SUMF1: variants seen among roughly 807,000 people sequenced by gnomAD.
The protein encoded by SUMF1 is sulfatase modifying factor 1.
In SUMF1, 48 loss-of-function variants were observed where a neutral mutation model predicts 47.6. That is an observed-to-expected ratio of 1.01 (90% CI 0.80 to 1.28). The LOEUF (loss-of-function observed/expected upper bound fraction) is 1.28, where lower values mean the gene tolerates loss of function less well. Among genes scored for constraint, SUMF1 ranks in the 50% most tolerant of loss-of-function variants. SUMF1 has a pLI of 0.00. For synonymous variants in SUMF1, 230 were observed against 192.1 expected (o/e 1.20, Z -1.63); for missense variants, 571 against 485.4 (o/e 1.18, Z -1.66).
At chr3:4,113,213 T>C (rs910790170) in intron 8 of SUMF1, among the ~76,000 whole-genome samples, 1 of 152,086 alleles carries the variant, frequency 6.6e-6, no homozygotes, top group Non-Finnish European at 1.5e-5. Flanking sequence ...CGTTTCAAGA[T>C]CTCTCTTCTA....
chr3:4,257,280 GA>G (rs1312433177), intron 8 of SUMF1, among the ~76,000 whole-genome samples: 22 of 136,634 alleles, frequency 1.6e-4, no homozygotes, highest in Admixed American at 7.5e-4. Context: ...GCAGGAGAAG[GA>G]AATAAAGGGT....
At chr3:4,182,374 T>C (rs1177774427) in intron 8 of SUMF1, among the ~76,000 whole-genome samples, 2 of 149,860 alleles carry the variant, frequency 1.3e-5, no homozygotes, top group Non-Finnish European at 1.5e-5. Context: ...TTCCAAGTTA[T>C]ATCTATTAAT....
intron 3 of SUMF1, among the ~76,000 whole-genome samples, chr3:4,428,317 T>C (rs1575210345): frequency 6.6e-6 from 1 of 152,274 alleles, no homozygotes; most frequent in East Asian, 1.9e-4. Context: ...TGATTATTTC[T>C]GGGTGGTGAG....
chr3:4,254,791 C>T, intron 8 of SUMF1, among the ~76,000 whole-genome samples: 2 of 149,468 alleles, frequency 1.3e-5, no homozygotes, highest in African/African-American at 4.9e-5. Flanking sequence ...TCGAGAAGAG[C>T]AACTCCAAGA....
intron 8 of SUMF1, among the ~76,000 whole-genome samples, chr3:4,259,863 G>A (rs1042372991): frequency 6.7e-6 from 1 of 149,216 alleles, no homozygotes; most frequent in Admixed American, 6.8e-5. Flanking sequence ...TTACTACTTA[G>A]AAACTATTAC....
chr3:4,249,815 G>C (rs1696752844), intron 8 of SUMF1, among the ~76,000 whole-genome samples: 1 of 152,142 alleles, frequency 6.6e-6, no homozygotes, highest in African/African-American at 2.4e-5. Context: ...CCTAAGTTGT[G>C]AATGCAAAGG....
chr3:4,343,144 A>AT (rs1390259317), intron 8 of SUMF1, among the ~76,000 whole-genome samples: 3 of 152,366 alleles, frequency 2.0e-5, no homozygotes, highest in African/African-American at 7.2e-5. Flanking sequence ...TCTGAGGACT[A>AT]TAACATGGAG....
intron 8 of SUMF1, among the ~76,000 whole-genome samples, chr3:4,085,231 T>C (rs1036710364): frequency 1.3e-5 from 2 of 152,102 alleles, no homozygotes; most frequent in Non-Finnish European, 2.9e-5. Context: ...AAAATATATG[T>C]GGCTGGGAAC....
At chr3:4,313,911 A>G in intron 8 of SUMF1, 2 of 1,374,858 alleles carry the variant, frequency 1.5e-6, no homozygotes, top group Non-Finnish European at 1.9e-6. Flanking sequence ...CCTTTCTGTA[A>G]TAGAATTCTC....
intron 8 of SUMF1, among the ~76,000 whole-genome samples, chr3:4,252,378 A>ACCCC (rs71043505): frequency 4.0e-5 from 6 of 150,336 alleles, no homozygotes; most frequent in Non-Finnish European, 5.9e-5. Context: ...ACACACACAC[A>ACCCC]CCCCACTGGC....
At chr3:4,278,261 G>A (rs554436508) in intron 8 of SUMF1, among the ~76,000 whole-genome samples, 3 of 151,738 alleles carry the variant, frequency 2.0e-5, no homozygotes, top group Non-Finnish European at 1.5e-5. Flanking sequence ...CAGTGAAGTA[G>A]GTAATAATCT....
chr3:4,175,581 G>C (rs1694940815), intron 8 of SUMF1, among the ~76,000 whole-genome samples: 1 of 152,166 alleles, frequency 6.6e-6, no homozygotes, highest in South Asian at 2.1e-4. Context: ...CAAAGATGGG[G>C]AGAAACCACA....
chr3:4,170,531 G>C (rs1694810593), intron 8 of SUMF1, among the ~76,000 whole-genome samples: 1 of 152,162 alleles, frequency 6.6e-6, no homozygotes, highest in Non-Finnish European at 1.5e-5. Context: ...AATTGCATTT[G>C]ATTTTGAAAA....
chr3:4,062,240 T>C (rs1050249972), intron 9 of SUMF1, among the ~76,000 whole-genome samples: 5 of 152,122 alleles, frequency 3.3e-5, no homozygotes, highest in African/African-American at 9.7e-5. Context: ...ATTGGGAGCA[T>C]GGTCAAACTG....
At chr3:4,317,181 G>T in intron 8 of SUMF1, 1 of 1,550,176 alleles carries the variant, frequency 6.5e-7, no homozygotes, top group Non-Finnish European at 8.7e-7. Flanking sequence ...TTACGCTACA[G>T]GAATAAACCA....
chr3:4,118,531 T>C (rs1222215898), intron 8 of SUMF1, among the ~76,000 whole-genome samples: 2 of 152,286 alleles, frequency 1.3e-5, no homozygotes, highest in South Asian at 2.1e-4. Context: ...TTTAAATGTG[T>C]ACCTATATTG....
At chr3:4,067,460 C>A (rs890278101) in intron 9 of SUMF1, among the ~76,000 whole-genome samples, 2 of 152,178 alleles carry the variant, frequency 1.3e-5, no homozygotes, top group African/African-American at 4.8e-5. Context: ...GATGATGTTG[C>A]ACATGATAAT....
intron 8 of SUMF1, among the ~76,000 whole-genome samples, chr3:4,276,360 G>A (rs160603): frequency 0.92 from 139,676 of 152,262 alleles, 64,176 homozygotes; most frequent in East Asian, 1. Context: ...AAAATGCTTT[G>A]TTATATTCAA....
chr3:4,439,307 T>C (rs1314734787), intron 3 of SUMF1, among the ~76,000 whole-genome samples: 2 of 152,040 alleles, frequency 1.3e-5, no homozygotes, highest in African/African-American at 4.8e-5. Context: ...GCGGATCGCT[T>C]GAACTCAGGA....
Sources: gnomAD v4.1 joint callset for allele counts (sites outside exome capture counted in the v4.1 genomes callset) on GRCh38, gnomAD v4.1.1 for gene constraint, MANE v1.5 for transcripts, NCBI Gene and HGNC (gene_info 2026-07-23, HGNC 2026-07-21) for gene names.